ARSB: variants seen among roughly 807,000 people sequenced by gnomAD.
The protein encoded by ARSB is N-acetylgalactosamine-4-sulfatase.
A neutral mutation model predicts 50.9 loss-of-function variants in ARSB; 41 were observed. The ratio of observed to expected loss-of-function variants is 0.81; its 90% confidence interval spans 0.63 to 1.04. ARSB has a LOEUF of 1.04. Ranked by LOEUF, ARSB falls within the 50% of genes least tolerant of loss-of-function variation. ARSB has a pLI of 0.00. For synonymous variants in ARSB, 269 were observed against 284.8 expected, an observed-to-expected ratio of 0.94 and a Z score of 0.56; for missense variants, 672 against 693.3, an observed-to-expected ratio of 0.97 and a Z score of 0.35.
chr5:78,822,393 C>T (rs999777944), intron 6 of ARSB, among the ~76,000 whole-genome samples: 1 of 151,924 alleles, frequency 6.6e-6, no homozygotes, highest in Non-Finnish European at 1.5e-5. Flanking sequence ...ACTACAGACC[C>T]AAGTCCCTGA....
intron 4 of ARSB, among the ~76,000 whole-genome samples, chr5:78,931,526 A>G (rs892729441): frequency 6.6e-6 from 1 of 152,092 alleles, no homozygotes; most frequent in Non-Finnish European, 1.5e-5. Flanking sequence ...TTCACTGCTC[A>G]TTAATATTTC....
chr5:78,829,703 T>C (rs1160760276), intron 6 of ARSB, among the ~76,000 whole-genome samples: 1 of 152,258 alleles, frequency 6.6e-6, no homozygotes, highest in African/African-American at 2.4e-5. Context: ...TCAAAAGTTT[T>C]ATTTCAGCCT....
At chr5:78,808,063 AGCCTGG>A (rs1743640283) in intron 6 of ARSB, among the ~76,000 whole-genome samples, 1 of 125,916 alleles carries the variant, frequency 7.9e-6, no homozygotes, top group Non-Finnish European at 1.6e-5. Flanking sequence ...ACTGCACTCC[AGCCTGG>A]GCGACAGAGC....
intron 1 of ARSB, among the ~76,000 whole-genome samples, chr5:78,972,089 A>C (rs888903979): frequency 3.3e-5 from 5 of 152,152 alleles, no homozygotes; most frequent in African/African-American, 1.2e-4. Flanking sequence ...AAGTCAAAGG[A>C]CACTTGTCTT....
chr5:78,872,469 T>C (rs1275540968), intron 5 of ARSB, among the ~76,000 whole-genome samples: 1 of 131,440 alleles, frequency 7.6e-6, no homozygotes, highest in African/African-American at 2.8e-5. Flanking sequence ...ATATACACCA[T>C]GGAATACTAT....
chr5:78,980,191 T>A (rs776980384), intron 1 of ARSB, among the ~76,000 whole-genome samples: 1 of 152,206 alleles, frequency 6.6e-6, no homozygotes, highest in South Asian at 2.1e-4. Flanking sequence ...CAAAAAACCA[T>A]TGAATTGGAT....
At chr5:78,966,041 T>A (rs1397287634) in intron 2 of ARSB, among the ~76,000 whole-genome samples, 1 of 152,220 alleles carries the variant, frequency 6.6e-6, no homozygotes. Context: ...ACTGGAGGTC[T>A]ATTTAAGGTT....
At chr5:78,890,780 G>A (rs956634811) in intron 4 of ARSB, among the ~76,000 whole-genome samples, 2 of 152,076 alleles carry the variant, frequency 1.3e-5, no homozygotes, top group East Asian at 1.9e-4. Flanking sequence ...CTTCAGTCAC[G>A]TAGAACTAAC....
intron 6 of ARSB, among the ~76,000 whole-genome samples, chr5:78,804,806 G>A (rs1580985327): frequency 6.6e-6 from 1 of 152,172 alleles, no homozygotes; most frequent in South Asian, 2.1e-4. Flanking sequence ...ACCTGTGCAC[G>A]CTGAGGGAAT....
At chr5:78,892,109 C>G (rs1262251907) in intron 4 of ARSB, among the ~76,000 whole-genome samples, 2 of 152,110 alleles carry the variant, frequency 1.3e-5, no homozygotes, top group African/African-American at 4.8e-5. Context: ...GCAAAGTACA[C>G]AGAACAGAAT....
At chr5:78,854,229 A>C (rs1021231877) in intron 5 of ARSB, among the ~76,000 whole-genome samples, 5 of 151,832 alleles carry the variant, frequency 3.3e-5, no homozygotes, top group Admixed American at 3.3e-4. Flanking sequence ...AATTTTGTTT[A>C]TTTCTGCTTT....
At position 78,779,421 on chromosome 5, in the gene ARSB, T is replaced by C. The variant is rs1211170116; in HGVS notation, c.*976A>G. On this transcript the variant is annotated 3_prime_UTR_variant, in exon 8 of 8. Coordinates refer to ENST00000264914, the MANE Select transcript of ARSB (RefSeq NM_000046.5). ...TAGCAGTGCAAGTCTTAATATATTATGAAATAAAGCTACAATCACAATGAC... is the reference window on the plus strand; with the variant it reads ...TAGCAGTGCAAGTCTTAATATATTACGAAATAAAGCTACAATCACAATGAC... 6.6e-6 allele frequency: 1 copy of C among 152,162 alleles called. No homozygotes were observed. The highest frequency in any genetic ancestry group is 1.5e-5 in the Non-Finnish European group (1 of 68,020). 9.4% of individuals were successfully genotyped at this position (152,162 alleles called of 1,614,324 possible). A position where few individuals can be genotyped will look rare whatever the true frequency, so the allele number is the denominator to read the frequency against.
chr5:78,834,646 T>C (rs912105230), intron 6 of ARSB, among the ~76,000 whole-genome samples: 5 of 133,788 alleles, frequency 3.7e-5, no homozygotes, highest in Non-Finnish European at 8.0e-5. Context: ...TATATATATA[T>C]GCCACATTTT....
intron 6 of ARSB, among the ~76,000 whole-genome samples, chr5:78,832,022 C>G (rs886994684): frequency 2.0e-5 from 3 of 152,102 alleles, no homozygotes; most frequent in Non-Finnish European, 4.4e-5. Flanking sequence ...ATCTCTTATA[C>G]ATAAGACACC....
chr5:78,855,314 C>T (rs1363257710), intron 5 of ARSB, among the ~76,000 whole-genome samples: 1 of 152,210 alleles, frequency 6.6e-6, no homozygotes, highest in African/African-American at 2.4e-5. Context: ...GCTGCTTTGA[C>T]TTAGGCATTG....
intron 6 of ARSB, among the ~76,000 whole-genome samples, chr5:78,791,686 A>G (rs1749239442): frequency 6.6e-6 from 1 of 152,260 alleles, no homozygotes; most frequent in Non-Finnish European, 1.5e-5. Context: ...AAGGGCTTAC[A>G]TATCCAGACG....
intron 6 of ARSB, among the ~76,000 whole-genome samples, chr5:78,801,120 T>A (rs1047513487): frequency 1.3e-5 from 2 of 151,672 alleles, no homozygotes; most frequent in South Asian, 2.1e-4. Context: ...GCAAGTAAAA[T>A]TTTTTTTTAG....
chr5:78,793,887 T>A (rs748471338), intron 6 of ARSB, among the ~76,000 whole-genome samples: 4 of 152,120 alleles, frequency 2.6e-5, no homozygotes, highest in Non-Finnish European at 5.9e-5. Flanking sequence ...GATTTCAATT[T>A]TTATTATTTT....
intron 5 of ARSB, among the ~76,000 whole-genome samples, chr5:78,858,389 G>C (rs1190948487): frequency 6.6e-6 from 1 of 151,960 alleles, no homozygotes; most frequent in Non-Finnish European, 1.5e-5. Context: ...ACAAAAACAG[G>C]GCAAGGAGAC....
Sources: allele counts gnomAD v4.1 joint callset (sites outside exome capture counted in the v4.1 genomes callset), GRCh38; gene constraint gnomAD v4.1.1; transcripts MANE v1.5; gene names NCBI Gene and HGNC (gene_info 2026-07-23, HGNC 2026-07-21).